The following SEMA3A variants were observed in gnomAD, a reference collection of about 807,000 sequenced individuals.
SEMA3A encodes the protein semaphorin 3A.
SEMA3A carries 29 observed loss-of-function variants against 97.9 expected under a neutral mutation model. The observed-to-expected ratio is 0.30, with a 90% CI of 0.22 to 0.40. SEMA3A has a LOEUF of 0.40. Ranked by LOEUF, SEMA3A falls within the 10% of genes least tolerant of loss-of-function variation. The pLI is 1.00. For synonymous variants in SEMA3A, 321 were observed against 323.7 expected, an observed-to-expected ratio of 0.99 and a Z score of 0.09; for missense variants, 763 against 951.3, an observed-to-expected ratio of 0.80 and a Z score of 2.60.
chr7:84,181,465 G>C (rs1797735953), intron 1 of SEMA3A, among the ~76,000 whole-genome samples: 1 of 151,722 alleles, frequency 6.6e-6, no homozygotes, highest in Admixed American at 6.6e-5. Flanking sequence ...TGCTACTCTT[G>C]GCAAAAGTAG....
intron 3 of SEMA3A, among the ~76,000 whole-genome samples, chr7:84,290,055 G>A (rs1168279141): frequency 2.0e-5 from 3 of 151,874 alleles, no homozygotes; most frequent in East Asian, 3.9e-4. Context: ...TAGGCAAATC[G>A]ATACAGGCAA....
At chr7:84,363,054 T>C (rs890989182) in intron 2 of SEMA3A, among the ~76,000 whole-genome samples, 1 of 151,942 alleles carries the variant, frequency 6.6e-6, no homozygotes, top group Non-Finnish European at 1.5e-5. Flanking sequence ...TATGCCCTGA[T>C]CCAGATCACC....
chr7:84,086,252 A>T (rs2527036), intron 4 of SEMA3A, among the ~76,000 whole-genome samples: 21,142 of 151,572 alleles, frequency 0.14, 1,856 homozygotes, highest in South Asian at 0.26. Flanking sequence ...ACACAAGAAG[A>T]TGCTGGGTCC....
chr7:84,419,723 A>C (rs1390631386), intron 1 of SEMA3A, among the ~76,000 whole-genome samples: 27 of 152,212 alleles, frequency 1.8e-4, no homozygotes, highest in East Asian at 5.8e-4. Flanking sequence ...AAGCTTTCAC[A>C]TCTGGGTGAT....
intron 12 of SEMA3A, among the ~76,000 whole-genome samples, chr7:83,996,025 A>G (rs1790202120): frequency 1.3e-5 from 2 of 152,184 alleles, no homozygotes; most frequent in African/African-American, 4.8e-5. Flanking sequence ...ACTGCCTTGC[A>G]ATTCCTTACA....
intron 1 of SEMA3A, among the ~76,000 whole-genome samples, chr7:84,372,602 T>C (rs938900303): frequency 1.3e-5 from 2 of 152,052 alleles, no homozygotes; most frequent in East Asian, 1.9e-4. Flanking sequence ...AACACACAAG[T>C]GGTTCTTAAA....
intron 3 of SEMA3A, among the ~76,000 whole-genome samples, chr7:84,220,042 G>A (rs749826888): frequency 2.0e-5 from 3 of 152,140 alleles, no homozygotes; most frequent in Non-Finnish European, 2.9e-5. Context: ...TGCTGCTTGA[G>A]AGCATTTTAG....
intron 2 of SEMA3A, among the ~76,000 whole-genome samples, chr7:84,343,870 G>C (rs1218486938): frequency 1.3e-5 from 2 of 152,012 alleles, no homozygotes; most frequent in African/African-American, 4.8e-5. Flanking sequence ...GTCACGTGTG[G>C]TGGCATGCAC....
chr7:84,389,592 G>A (rs1039514395), intron 1 of SEMA3A, among the ~76,000 whole-genome samples: 23 of 151,988 alleles, frequency 1.5e-4, no homozygotes, highest in African/African-American at 5.1e-4. Flanking sequence ...AACCTGTACA[G>A]AGATCCTAAA....
At chr7:84,070,759 G>A (rs1302916398) in intron 4 of SEMA3A, among the ~76,000 whole-genome samples, 1 of 151,792 alleles carries the variant, frequency 6.6e-6, no homozygotes, top group Admixed American at 6.6e-5. Context: ...TCTCATCTCT[G>A]CCTGAGACCC....
chr7:84,018,879 A>G (rs919254391), intron 6 of SEMA3A, among the ~76,000 whole-genome samples: 1 of 152,216 alleles, frequency 6.6e-6, no homozygotes, highest in African/African-American at 2.4e-5. Flanking sequence ...GTATATTTTC[A>G]GAAGATCACT....
At chr7:84,113,728 A>AC (rs1265864171) in intron 3 of SEMA3A, among the ~76,000 whole-genome samples, 1 of 152,180 alleles carries the variant, frequency 6.6e-6, no homozygotes, top group East Asian at 1.9e-4. Context: ...GCTTCCCAAG[A>AC]GTCAGGCAAC....
At chr7:84,444,796 G>A (rs922570765) in intron 1 of SEMA3A, among the ~76,000 whole-genome samples, 3 of 151,926 alleles carry the variant, frequency 2.0e-5, no homozygotes, top group African/African-American at 4.8e-5. Context: ...TCCTGACCTC[G>A]TGATCCGCCT....
At chr7:84,255,799 A>T (rs1294827191) in intron 3 of SEMA3A, among the ~76,000 whole-genome samples, 1 of 150,230 alleles carries the variant, frequency 6.7e-6, no homozygotes, top group Admixed American at 6.7e-5. Context: ...CTCGGCACTG[A>T]TTTTTTTTTT....
chr7:84,404,942 G>T (rs200224169), intron 1 of SEMA3A, among the ~76,000 whole-genome samples: 120 of 147,766 alleles, frequency 8.1e-4, no homozygotes, highest in Admixed American at 1.6e-3. Context: ...GCAAAAACAT[G>T]CCAAATTGTA....
At chr7:84,462,008 G>C (rs112377597) in intron 1 of SEMA3A, among the ~76,000 whole-genome samples, 5,382 of 152,080 alleles carry the variant, frequency 0.035, 141 homozygotes, top group Non-Finnish European at 0.05. Flanking sequence ...CATCTCTTTT[G>C]ATATTGAACT....
At chr7:84,043,136 G>C (rs1239875899) in intron 6 of SEMA3A, among the ~76,000 whole-genome samples, 1 of 151,646 alleles carries the variant, frequency 6.6e-6, no homozygotes, top group African/African-American at 2.4e-5. Context: ...CCTAAATTAG[G>C]GTTTATCGTA....
chr7:84,487,438 T>G (rs1806603590), intron 1 of SEMA3A, among the ~76,000 whole-genome samples: 1 of 152,130 alleles, frequency 6.6e-6, no homozygotes, highest in Admixed American at 6.6e-5. Flanking sequence ...GTGTTCCCAA[T>G]ATTTCCCTGG....
chr7:83,958,501 A>T lies in SEMA3A; in HGVS notation c.*2870T>A, dbSNP rs1264544176. On this transcript the variant is annotated 3_prime_UTR_variant, in exon 17 of 17. Coordinates refer to ENST00000265362, the MANE Select transcript of SEMA3A (RefSeq NM_006080.3). ...ACATATTTCCTACCTGGCAAAAAAC[A>T]TGCTTATTGAACGGGCACGCACCTT... 2 of 152,526 alleles carry T rather than the reference A, an allele frequency of 1.3e-5. No homozygotes were observed. The highest frequency in any genetic ancestry group is 2.9e-5 in the Non-Finnish European group (2 of 67,966). The allele number at this position is 152,526 out of a possible 1,614,324, so 9.4% of individuals were successfully genotyped here.
Sources: gnomAD v4.1 joint callset for allele counts (sites outside exome capture counted in the v4.1 genomes callset) on GRCh38, gnomAD v4.1.1 for gene constraint, MANE v1.5 for transcripts, NCBI Gene and HGNC (gene_info 2026-07-23, HGNC 2026-07-21) for gene names.